Variants in PLXNC1 observed in about 807,000 individuals in gnomAD.
PLXNC1 encodes the protein plexin-C1.
PLXNC1 carries 75 observed loss-of-function variants against 178.2 expected under a neutral mutation model. That is an observed-to-expected ratio of 0.42 (90% CI 0.35 to 0.51). The LOEUF (loss-of-function observed/expected upper bound fraction) is 0.51. Among genes scored for constraint, PLXNC1 ranks in the 20% least tolerant of loss-of-function variants. PLXNC1 has a pLI of 0.02. For synonymous variants in PLXNC1, 790 were observed against 779.9 expected (o/e 1.01, Z -0.22); for missense variants, 1,503 against 1,984.4 (o/e 0.76, Z 4.61).
chr12:94,186,259 TGTTGA>T lies in PLXNC1; in HGVS notation c.1339-110_1339-106del, dbSNP rs1483181704. ...CCACTGCCCAGTGCCAGTATGGAGG[TGTTGA>T]GTTCAAGTTGATAAATAGGCTCTTT... On this transcript the variant is annotated intron_variant, in intron 3 of 30. Coordinates refer to ENST00000258526, the MANE Select transcript of PLXNC1 (RefSeq NM_005761.3). The T allele has an allele frequency of 3.2e-5, 22 of 686,124 alleles. No homozygotes were observed. In the Middle Eastern group the frequency reaches 9.7e-4, roughly 30 times the overall value. 42.5% of individuals were successfully genotyped at this position (686,124 alleles called of 1,614,324 possible).
intron 9 of PLXNC1, among the ~76,000 whole-genome samples, chr12:94,234,006 T>A (rs992972227): frequency 5.3e-5 from 8 of 152,200 alleles, no homozygotes; most frequent in Non-Finnish European, 1.0e-4. Context: ...CGGTTTCAGA[T>A]TTCCAGCTGG....
At chr12:94,177,417 G>A (rs983994174) in intron 2 of PLXNC1, among the ~76,000 whole-genome samples, 54 of 148,766 alleles carry the variant, frequency 3.6e-4, no homozygotes, top group African/African-American at 1.3e-3. Flanking sequence ...TGCAAGCCAC[G>A]CTAAGTAGCT....
intron 23 of PLXNC1, among the ~76,000 whole-genome samples, chr12:94,287,388 G>A (rs945060084): frequency 2.6e-5 from 4 of 152,166 alleles, no homozygotes; most frequent in African/African-American, 7.2e-5. Context: ...GGGCACACTC[G>A]TCCCCTAGGA....
intron 5 of PLXNC1, among the ~76,000 whole-genome samples, chr12:94,216,605 G>T: frequency 6.6e-6 from 1 of 152,188 alleles, no homozygotes; most frequent in East Asian, 1.9e-4. Context: ...TATTCATTCC[G>T]TTTGAAGCAT....
At chr12:94,167,145 G>A (rs1050601773) in intron 1 of PLXNC1, among the ~76,000 whole-genome samples, 1 of 152,188 alleles carries the variant, frequency 6.6e-6, no homozygotes, top group African/African-American at 2.4e-5. Flanking sequence ...TCCTTGTTCC[G>A]TTTTAGCTTT....
At chr12:94,176,089 G>T (rs115770578) in intron 2 of PLXNC1, among the ~76,000 whole-genome samples, 3 of 152,304 alleles carry the variant, frequency 2.0e-5, no homozygotes, top group African/African-American at 7.2e-5. Context: ...TCCACATCGT[G>T]CCCAAGGATT....
chr12:94,187,076 C>G (rs1269388224), intron 4 of PLXNC1, among the ~76,000 whole-genome samples: 2 of 152,144 alleles, frequency 1.3e-5, no homozygotes, highest in African/African-American at 4.8e-5. Context: ...TCGCTGGGCC[C>G]GGCCTGGTTG....
At position 94,243,989 on chromosome 12, in the gene PLXNC1, C is replaced by T. The variant is rs1330957707; in HGVS notation, c.2352C>T (p.Asn784=). Residue 784 remains asparagine (N), a synonymous_variant, in exon 12 of 31, where the codon AAC becomes AAT. Coordinates refer to ENST00000258526, the MANE Select transcript of PLXNC1 (RefSeq NM_005761.3). ...GCAGAAATTTTGATGTAATTGACAA[C>T]TTAATCATTTCACATGAATTAAAAG... ...MMGRNFDVID[N]LIISHELKGN... The T allele has an allele frequency of 6.3e-6, 10 of 1,596,500 alleles. No individual in the cohort carries two copies. Among genetic ancestry groups the T allele is most frequent in the Non-Finnish European group, 8.6e-6 (10 of 1,165,662 alleles).
At chr12:94,298,206 A>G (rs569393129) in intron 26 of PLXNC1, among the ~76,000 whole-genome samples, 4 of 152,378 alleles carry the variant, frequency 2.6e-5, no homozygotes, top group South Asian at 4.1e-4. Flanking sequence ...AAAGTACACA[A>G]TAAAACTTTA....
intron 6 of PLXNC1, among the ~76,000 whole-genome samples, chr12:94,221,346 A>T (rs1963790270): frequency 1.3e-5 from 2 of 152,064 alleles, no homozygotes; most frequent in Admixed American, 1.3e-4. Flanking sequence ...AGTGAGAGAG[A>T]AAGTGAAAGC....
chr12:94,205,249 GC>G (rs1963264173), intron 4 of PLXNC1, among the ~76,000 whole-genome samples: 1 of 151,990 alleles, frequency 6.6e-6, no homozygotes. Flanking sequence ...TTTAAGCCAT[GC>G]CCATTAAAAA....
chr12:94,236,211 C>A (rs1398802486), intron 9 of PLXNC1, among the ~76,000 whole-genome samples: 1 of 152,202 alleles, frequency 6.6e-6, no homozygotes, highest in African/African-American at 2.4e-5. Flanking sequence ...CTACCAAAAT[C>A]AATTCTGTGT....
At chr12:94,191,609 C>T (rs1484555556) in intron 4 of PLXNC1, among the ~76,000 whole-genome samples, 2 of 151,890 alleles carry the variant, frequency 1.3e-5, no homozygotes, top group Non-Finnish European at 2.9e-5. Flanking sequence ...CATGGTGAAA[C>T]CCTGTCTCTA....
intron 11 of PLXNC1, among the ~76,000 whole-genome samples, chr12:94,241,274 T>A (rs115567624): frequency 5.1e-4 from 77 of 152,354 alleles, no homozygotes; most frequent in African/African-American, 1.8e-3. Context: ...GTTTTTTCTA[T>A]GATCATACAG....
chr12:94,298,932 A>G (rs899115168), intron 27 of PLXNC1, 137 bp downstream of exon 27: 21 of 771,872 alleles, frequency 2.7e-5, no homozygotes, highest in Admixed American at 3.5e-5. Flanking sequence ...TATCATGTCA[A>G]AGTAGTTTCT....
At chr12:94,182,857 C>CTATATCTA (rs570479179) in intron 3 of PLXNC1, among the ~76,000 whole-genome samples, 3,049 of 141,860 alleles carry the variant, frequency 0.021, 32 homozygotes, top group Non-Finnish European at 0.023. Flanking sequence ...TCAAGAATAT[C>CTATATCTA]TGTATCTATC....
intron 13 of PLXNC1, 40 bp from the exon 14 acceptor site, chr12:94,248,187 A>G (rs1964585331): frequency 6.3e-7 from 1 of 1,596,592 alleles, no homozygotes; most frequent in Non-Finnish European, 8.6e-7. Context: ...GAGTTTCTAC[A>G]TGTGCTCTGA....
chr12:94,232,176 T>C (rs748503698), intron 9 of PLXNC1, among the ~76,000 whole-genome samples: 2 of 152,082 alleles, frequency 1.3e-5, no homozygotes, highest in Non-Finnish European at 2.9e-5. Context: ...AACCTCTGCC[T>C]CCCCAGTTCA....
chr12:94,300,856 C>G, intron 27 of PLXNC1, 54 bp from the exon 28 acceptor site: 1 of 1,541,742 alleles, frequency 6.5e-7, no homozygotes, highest in Non-Finnish European at 8.9e-7. Context: ...ATAAACAGAC[C>G]ATTGGCTTCA....
Sources: allele counts gnomAD v4.1 joint callset (sites outside exome capture counted in the v4.1 genomes callset), GRCh38; gene constraint gnomAD v4.1.1; transcripts MANE v1.5; gene names NCBI Gene and HGNC (gene_info 2026-07-23, HGNC 2026-07-21).